The following CTNNA3 variants were observed in gnomAD, a reference collection of about 807,000 sequenced individuals.
CTNNA3 encodes catenin alpha-3.
A neutral mutation model predicts 95.7 loss-of-function variants in CTNNA3; 76 were observed. The ratio of observed to expected loss-of-function variants is 0.79; its 90% confidence interval spans 0.66 to 0.96. The LOEUF is 0.96. Among genes scored for constraint, CTNNA3 ranks in the 40% least tolerant of loss-of-function variants. CTNNA3 has a pLI of 0.00. For synonymous variants in CTNNA3, 431 were observed against 374.4 expected (o/e 1.15, Z -1.74); for missense variants, 1,191 against 1,089.8 (o/e 1.09, Z -1.31).
chr10:66,041,661 TATAGATTCCTGGAATC>T (rs1266437742), intron 15 of CTNNA3, among the ~76,000 whole-genome samples: 2 of 152,174 alleles, frequency 1.3e-5, no homozygotes, highest in African/African-American at 4.8e-5. Context: ...CATCACTAAA[TATAGATTCCTGGAATC>T]AGCCTCTCTC....
chr10:66,256,511 GGAGTTC>G (rs57906007), intron 13 of CTNNA3, among the ~76,000 whole-genome samples: 26,469 of 151,956 alleles, frequency 0.17, 2,518 homozygotes, highest in Admixed American at 0.26. Context: ...CCTGAGTTTG[GGAGTTC>G]GAGACCAGCC....
At chr10:66,078,004 T>C (rs2080608493) in intron 14 of CTNNA3, among the ~76,000 whole-genome samples, 1 of 151,826 alleles carries the variant, frequency 6.6e-6, no homozygotes, top group Non-Finnish European at 1.5e-5. Context: ...ACCCCAGGAC[T>C]TCAGTGACCT....
intron 12 of CTNNA3, among the ~76,000 whole-genome samples, chr10:66,296,563 G>GCA (rs772758221): frequency 1.1e-4 from 15 of 137,814 alleles, no homozygotes; most frequent in Non-Finnish European, 1.6e-4. Context: ...ATGCGTGTGT[G>GCA]TATATATATA....
chr10:67,282,490 T>C (rs1354665577), intron 5 of CTNNA3, among the ~76,000 whole-genome samples: 3 of 152,242 alleles, frequency 2.0e-5, no homozygotes, highest in Non-Finnish European at 4.4e-5. Context: ...AAGCGGATCT[T>C]CATATCTAAA....
chr10:66,719,566 A>G (rs1270743671), intron 9 of CTNNA3, among the ~76,000 whole-genome samples: 2 of 152,182 alleles, frequency 1.3e-5, no homozygotes, highest in Admixed American at 6.5e-5. Context: ...TGGGGCATCA[A>G]GGGTACCACC....
At chr10:66,744,360 A>C (rs182208666) in intron 9 of CTNNA3, among the ~76,000 whole-genome samples, 29 of 152,298 alleles carry the variant, frequency 1.9e-4, no homozygotes, top group African/African-American at 6.7e-4. Context: ...TTTGGATCAA[A>C]GAATTAAGTT....
chr10:67,157,531 A>G (rs1249095636), intron 7 of CTNNA3, among the ~76,000 whole-genome samples: 1 of 152,218 alleles, frequency 6.6e-6, no homozygotes, highest in African/African-American at 2.4e-5. Flanking sequence ...CAATAGGAAA[A>G]GACTAGGTCC....
At chr10:67,542,828 T>A (rs1309974875) in intron 3 of CTNNA3, among the ~76,000 whole-genome samples, 3 of 152,144 alleles carry the variant, frequency 2.0e-5, no homozygotes, top group Admixed American at 2.0e-4. Context: ...TTCACTGTCA[T>A]ATTGATTTCT....
intron 7 of CTNNA3, among the ~76,000 whole-genome samples, chr10:66,840,360 TCTCTCTCTCTCTCACACACACACACACA>T (rs1843017188): frequency 1.7e-5 from 2 of 118,830 alleles, no homozygotes; most frequent in Non-Finnish European, 3.3e-5. Context: ...TCTCTCTCTC[TCTCTCTCTCTCTCACACACACACACACA>T]CACACACACA....
At chr10:66,614,832 T>TG (rs1476096480) in intron 10 of CTNNA3, among the ~76,000 whole-genome samples, 1 of 152,036 alleles carries the variant, frequency 6.6e-6, no homozygotes, top group Non-Finnish European at 1.5e-5. Context: ...TTCTCTCTTG[T>TG]GATTTTGGAA....
At chr10:67,700,095 T>C (rs1841023882), upstream of CTNNA3, among the ~76,000 whole-genome samples, 1 of 152,244 alleles carries the variant, frequency 6.6e-6, no homozygotes, top group South Asian at 2.1e-4. Context: ...TTGCCCAGGC[T>C]TGCTTAGGTA....
At chr10:66,968,419 A>T (rs1849551000) in intron 7 of CTNNA3, among the ~76,000 whole-genome samples, 2 of 103,108 alleles carry the variant, frequency 1.9e-5, no homozygotes, top group South Asian at 2.4e-4. Flanking sequence ...AAAGAAATTA[A>T]AAAAAAGAGA....
intron 12 of CTNNA3, among the ~76,000 whole-genome samples, chr10:66,345,819 T>C (rs187279166): frequency 1.3e-5 from 2 of 152,088 alleles, no homozygotes; most frequent in Admixed American, 1.3e-4. Flanking sequence ...CTCACACCTG[T>C]AATCCCAGCA....
intron 7 of CTNNA3, among the ~76,000 whole-genome samples, chr10:66,847,416 CTAAA>C (rs1589327033): frequency 1.3e-5 from 2 of 152,124 alleles, no homozygotes; most frequent in African/African-American, 2.4e-5. Context: ...TGTCAGTCAA[CTAAA>C]TACTCAATGA....
intron 13 of CTNNA3, among the ~76,000 whole-genome samples, chr10:66,196,824 AGT>A (rs1244416175): frequency 6.6e-6 from 1 of 152,104 alleles, no homozygotes; most frequent in African/African-American, 2.4e-5. Context: ...GACACACAGA[AGT>A]GTTAGAATCT....
At chr10:65,961,533 T>C (rs1340933299) in intron 17 of CTNNA3, among the ~76,000 whole-genome samples, 1 of 152,106 alleles carries the variant, frequency 6.6e-6, no homozygotes, top group Admixed American at 6.5e-5. Context: ...AAAATATGAC[T>C]ATGATATGTG....
intron 9 of CTNNA3, among the ~76,000 whole-genome samples, chr10:66,712,807 C>A (rs1848338489): frequency 6.6e-6 from 1 of 152,142 alleles, no homozygotes; most frequent in South Asian, 2.1e-4. Flanking sequence ...AGACGTCTCA[C>A]ATTCAGCTAC....
At chr10:66,062,900 G>T (rs2080231383) in intron 15 of CTNNA3, among the ~76,000 whole-genome samples, 2 of 152,128 alleles carry the variant, frequency 1.3e-5, no homozygotes, top group South Asian at 2.1e-4. Context: ...CCCAGCTACA[G>T]ATTAGGATAC....
chr10:67,758,741 G>C (rs1450283222), intron 1 of CTNNA3, among the ~76,000 whole-genome samples: 2 of 145,476 alleles, frequency 1.4e-5, no homozygotes, highest in African/African-American at 5.1e-5. Flanking sequence ...TTCTTAATAA[G>C]CTTATTCTGC....
Sources: allele counts gnomAD v4.1 joint callset (sites outside exome capture counted in the v4.1 genomes callset), GRCh38; gene constraint gnomAD v4.1.1; transcripts MANE v1.5; gene names NCBI Gene and HGNC (gene_info 2026-07-23, HGNC 2026-07-21).